Variants in AMZ2 observed in about 807,000 individuals in gnomAD.
The protein encoded by AMZ2 is archaelysin family metallopeptidase 2, also known as archaemetzincin-2.
Under a neutral mutation model 36.7 loss-of-function variants are expected in AMZ2, and 26 were observed. The ratio of observed to expected loss-of-function variants is 0.71; its 90% confidence interval spans 0.52 to 0.98. AMZ2 has a LOEUF of 0.98. Among genes scored for constraint, AMZ2 ranks in the 50% least tolerant of loss-of-function variants. AMZ2 has a pLI of 0.00. For missense variants in AMZ2, 394 were observed against 430.5 expected, an observed-to-expected ratio of 0.92 and a Z score of 0.75; for synonymous variants, 144 against 149.1, an observed-to-expected ratio of 0.97 and a Z score of 0.25.
rs2074394556 is a variant in AMZ2 at position 68,250,783 on chromosome 17, C to T, written c.284-11C>T. The stretch of plus-strand genomic sequence containing the variant: ...TTAAAGTCTGTTTTTAAATGTTCTT[C>T]CATATTGTAGGCTCTCTAGGAAACA... On this transcript the variant is annotated splice_polypyrimidine_tract_variant and intron_variant, in intron 2 of 6. Transcript: ENST00000359904. 3.2e-6 allele frequency: 5 copies of T among 1,554,188 alleles called. No individual in the cohort carries two copies. The Admixed American group carries it at 9.1e-5, about 28-fold the overall frequency.
chr17:68,208,875 G>T (rs1379653437), intron 1 of AMZ2, among the ~76,000 whole-genome samples: 1 of 152,076 alleles, frequency 6.6e-6, no homozygotes, highest in African/African-American at 2.4e-5. Flanking sequence ...GCGAGACCAC[G>T]AACCCACCAG....
At chr17:68,247,588 A>C, upstream of AMZ2, 1 of 966,838 alleles carries the variant, frequency 1.0e-6, no homozygotes, top group South Asian at 4.8e-5. Context: ...AAAGAAGGGA[A>C]AGTGCTGAGG....
rs1555742600 is a variant in AMZ2, at chr17:68,255,822, C to A, written c.873C>A (p.Ile291=). 1 of 1,614,152 alleles carries A rather than the reference C, an allele frequency of 6.2e-7. No homozygotes were observed. The highest frequency in any genetic ancestry group is 8.5e-7 in the Non-Finnish European group (1 of 1,180,034). ...GGCGCCCTCTAAACCTTTGCCCTAT[C>A]TGTTTGCACAAGTTGCAGTGTGCTG... ...ADRRPLNLCP[I]CLHKLQCAVG... The change falls in exon 6 of 7, where the codon ATC becomes ATA. Residue 291 remains isoleucine, a synonymous_variant. Coordinates refer to ENST00000359904, the MANE Select transcript of AMZ2 (RefSeq NM_016627.5).
intron 6 of AMZ2, among the ~76,000 whole-genome samples, chr17:68,256,397 G>A (rs2074906804): frequency 6.6e-6 from 1 of 152,218 alleles, no homozygotes; most frequent in Non-Finnish European, 1.5e-5. Flanking sequence ...TCAGGTGACT[G>A]CACAGAAATG....
intron 1 of AMZ2, among the ~76,000 whole-genome samples, chr17:68,238,468 T>C (rs183419374): frequency 1.3e-5 from 2 of 152,302 alleles, no homozygotes; most frequent in East Asian, 1.9e-4. Context: ...TGAAATGATA[T>C]TCTTAAGGTA....
In AMZ2 at chr17:68,255,702, T is replaced by A. The variant is rs1555742337; in HGVS notation, c.753T>A (p.Thr251=). The change falls in exon 6 of 7, where the codon ACT becomes ACA. Residue 251 remains threonine, a splice_region_variant and synonymous_variant. Transcript: ENST00000359904. ...TSVLLLRSCK[T]LTHEIGHIFG... is the part of the protein sequence containing the mutation. Reference sequence around the variant, plus strand: ...GCCTCAACATGATTGTCTTGCAGACTTTAACCCATGAGATCGGACACATAT... The same window carrying A: ...GCCTCAACATGATTGTCTTGCAGACATTAACCCATGAGATCGGACACATAT... 1 of 1,613,796 alleles carries A rather than the reference T, an allele frequency of 6.2e-7. No individual in the cohort carries two copies.
chr17:68,247,996 C>T (rs1352650415), upstream of AMZ2: 5 of 985,710 alleles, frequency 5.1e-6, no homozygotes, highest in South Asian at 4.7e-5. Context: ...CGCAGCGGCG[C>T]GGCGCGTGGC....
chr17:68,236,456 A>G (rs1452624013), intron 1 of AMZ2, among the ~76,000 whole-genome samples: 2 of 152,032 alleles, frequency 1.3e-5, no homozygotes, highest in African/African-American at 2.4e-5. Context: ...TAAAAAAAAT[A>G]AAGCTAGTAA....
upstream of AMZ2, among the ~76,000 whole-genome samples, chr17:68,244,255 T>C (rs1341473036): frequency 6.6e-6 from 1 of 152,184 alleles, no homozygotes; most frequent in Non-Finnish European, 1.5e-5. Context: ...GGGAATATAC[T>C]CTGAGATATT....
chr17:68,216,464 A>G (rs1395281740), intron 1 of AMZ2, among the ~76,000 whole-genome samples: 3 of 152,214 alleles, frequency 2.0e-5, no homozygotes, highest in Admixed American at 1.3e-4. Context: ...TGCATTTTAT[A>G]GATGAAGAGA....
chr17:68,257,050 A>G lies in AMZ2; in HGVS notation c.*81A>G. ...TTTGGGTGGAATACTTCATTGGAAT[A>G]AACTACTGATCTTGTGCTGTGTCAA... is the stretch of plus-strand genomic sequence containing the variant. On this transcript the variant is annotated 3_prime_UTR_variant, in exon 7 of 7. Transcript: ENST00000359904. 1 of 1,440,410 alleles carries G rather than the reference A, an allele frequency of 6.9e-7. No homozygotes were observed. Among genetic ancestry groups the G allele is most frequent in the Non-Finnish European group, 9.5e-7 (1 of 1,050,740 alleles). The allele number at this position is 1,440,410 out of a possible 1,614,324, so 89.2% of individuals were successfully genotyped here.
chr17:68,209,490 G>A (rs552582750), intron 1 of AMZ2, among the ~76,000 whole-genome samples: 6 of 151,790 alleles, frequency 4.0e-5, no homozygotes, highest in South Asian at 2.1e-4. Context: ...CACTATGCCC[G>A]GCCTTTAGAT....
intron 1 of AMZ2, among the ~76,000 whole-genome samples, chr17:68,236,426 A>T (rs1677670779): frequency 6.6e-6 from 1 of 151,964 alleles, no homozygotes; most frequent in Non-Finnish European, 1.5e-5. Context: ...GATTTACATA[A>T]TTTTTTCAAG....
Position 68,254,450 on chromosome 17 carries a change from C to A in AMZ2, c.633C>A (p.Ser211Arg), listed in dbSNP as rs782355860. The A allele has an allele frequency of 3.7e-6, 6 of 1,613,444 alleles. No homozygotes were observed. In the East Asian group the frequency reaches 1.3e-4, roughly 36 times the overall value. Residue 211 changes from serine to arginine, a missense_variant, in exon 5 of 7, where the codon AGC (serine) becomes AGA (arginine). Ser to Arg is a moderately radical substitution (Grantham distance 110). Transcript: ENST00000359904. ...CCAGGTATGGCAGTGATTTTTATAG[C>A]ATGCACTATAAAGGCAAAGTGAAGA... ...SFARYGSDFY[S>R]MHYKGKVKKL...
intron 1 of AMZ2, among the ~76,000 whole-genome samples, chr17:68,228,158 TC>T (rs1381533516): frequency 2.0e-5 from 3 of 152,038 alleles, no homozygotes; most frequent in African/African-American, 4.8e-5. Context: ...TCCTGAGACT[TC>T]CTATTTCTGC....
At chr17:68,245,796 A>G (rs1318381572), upstream of AMZ2, among the ~76,000 whole-genome samples, 3 of 152,184 alleles carry the variant, frequency 2.0e-5, no homozygotes, top group South Asian at 2.1e-4. Context: ...TGTAAGAAAT[A>G]GGTTACAATC....
intron 1 of AMZ2, among the ~76,000 whole-genome samples, chr17:68,233,756 C>G (rs1171243005): frequency 1.3e-5 from 2 of 151,234 alleles, no homozygotes; most frequent in Non-Finnish European, 2.9e-5. Context: ...GGGTCTTGCT[C>G]TGTTGCCCAG....
At chr17:68,209,858 T>G (rs2072988160) in intron 1 of AMZ2, among the ~76,000 whole-genome samples, 2 of 151,620 alleles carry the variant, frequency 1.3e-5, no homozygotes, top group Non-Finnish European at 2.9e-5. Context: ...TAAACTCAGG[T>G]GATCCACCCC....
In AMZ2 at chr17:68,256,892, A is replaced by T. The variant is rs1425774650; in HGVS notation, c.1006A>T (p.Asn336Tyr). 2 of 1,614,058 alleles carry T rather than the reference A, an allele frequency of 1.2e-6. No homozygotes were observed. Among genetic ancestry groups the T allele is most frequent in the African/African-American group, 2.7e-5 (2 of 74,926 alleles). ...TPEHSHEDNG[N>Y]LPKPVEAFKE... ...AGAACACAGTCACGAGGATAATGGG[A>T]ATTTACCGAAACCCGTGGAAGCCTT... Residue 336 changes from asparagine to tyrosine, a missense_variant, in exon 7 of 7, where the codon AAT becomes TAT. Transcript: ENST00000359904.
Sources: allele counts gnomAD v4.1 joint callset (sites outside exome capture counted in the v4.1 genomes callset), GRCh38; gene constraint gnomAD v4.1.1; transcripts MANE v1.5; gene names NCBI Gene and HGNC (gene_info 2026-07-23, HGNC 2026-07-21).